The following CNTNAP5 variants were observed in gnomAD, a reference collection of about 807,000 sequenced individuals.
CNTNAP5 encodes the protein contactin associated protein family member 5, also known as contactin-associated protein-like 5.
A neutral mutation model predicts 150.2 loss-of-function variants in CNTNAP5; 72 were observed. The ratio of observed to expected loss-of-function variants is 0.48; its 90% CI spans 0.40 to 0.58. The LOEUF is 0.58. CNTNAP5 is among the 20% of genes least tolerant of loss of function. The pLI is 0.00. For missense variants in CNTNAP5, 1,636 were observed against 1,626.2 expected (o/e 1.01, Z -0.10); for synonymous variants, 672 against 619.8 (o/e 1.08, Z -1.25).
intron 13 of CNTNAP5, among the ~76,000 whole-genome samples, chr2:124,661,055 G>C (rs1678579153): frequency 7.3e-6 from 1 of 137,528 alleles, no homozygotes; most frequent in Admixed American, 6.8e-5. Context: ...GTGAGGCAGA[G>C]AGGGAATGAT....
intron 11 of CNTNAP5, among the ~76,000 whole-genome samples, chr2:124,594,434 A>T (rs1285939880): frequency 6.6e-6 from 1 of 152,098 alleles, no homozygotes; most frequent in Admixed American, 6.6e-5. Flanking sequence ...TTTGTCAAAG[A>T]TCAGATAGTT....
intron 1 of CNTNAP5, among the ~76,000 whole-genome samples, chr2:124,213,736 T>G (rs1395994394): frequency 2.6e-5 from 4 of 152,090 alleles, no homozygotes; most frequent in Non-Finnish European, 5.9e-5. Context: ...TAAAAAAATA[T>G]TTCTAACCTG....
intron 1 of CNTNAP5, among the ~76,000 whole-genome samples, chr2:124,134,347 A>T (rs146292913): frequency 1.3e-3 from 192 of 151,498 alleles, no homozygotes; most frequent in Non-Finnish European, 2.2e-3. Flanking sequence ...CACACTAGTT[A>T]GCCCTTGAAA....
At chr2:124,447,015 A>G in intron 6 of CNTNAP5, 78 bp downstream of exon 6, 2 of 1,409,072 alleles carry the variant, frequency 1.4e-6, no homozygotes, top group Admixed American at 1.8e-5. Flanking sequence ...GAGCAGACCA[A>G]CTGAGAGAAG....
chr2:124,531,907 C>G (rs1171214632), intron 10 of CNTNAP5, among the ~76,000 whole-genome samples: 1 of 152,138 alleles, frequency 6.6e-6, no homozygotes, highest in Non-Finnish European at 1.5e-5. Flanking sequence ...TTCAAGTTGC[C>G]CTGAACAGAC....
intron 13 of CNTNAP5, among the ~76,000 whole-genome samples, chr2:124,733,342 CAA>C (rs2105129501): frequency 6.6e-6 from 1 of 151,694 alleles, no homozygotes; most frequent in Non-Finnish European, 1.5e-5. Context: ...CATTTTTTTT[CAA>C]AGTGCTATAC....
At position 124,390,275 on chromosome 2, in the gene CNTNAP5, C is replaced by T. The variant is rs186172460; in HGVS notation, c.382-27168C>T. Reference sequence around the variant, plus strand: ...ATTTTGATTTCTCATCTGCATCTTCCGATTAACTTCTCACCTGTCAACCAA... The same window carrying T: ...ATTTTGATTTCTCATCTGCATCTTCTGATTAACTTCTCACCTGTCAACCAA... On this transcript the variant is annotated intron_variant, in intron 3 of 23. Transcript: ENST00000682447. Among the ~76,000 whole-genome samples, 223 of 152,266 alleles carry T rather than the reference C, an allele frequency of 1.5e-3. 2 individuals carry two copies. Among genetic ancestry groups the T allele is most frequent in the African/African-American group, 5.0e-3 (207 of 41,554 alleles).
chr2:124,528,937 G>T (rs1168310014), intron 10 of CNTNAP5, among the ~76,000 whole-genome samples: 1 of 152,286 alleles, frequency 6.6e-6, no homozygotes, highest in South Asian at 2.1e-4. Flanking sequence ...GCAGTGCATA[G>T]TCTCTGCTAA....
intron 3 of CNTNAP5, among the ~76,000 whole-genome samples, chr2:124,336,332 T>C (rs1294887875): frequency 6.6e-6 from 1 of 152,158 alleles, no homozygotes; most frequent in African/African-American, 2.4e-5. Context: ...CAAATTGTTA[T>C]TCAGTAGCAC....
Position 124,606,339 on chromosome 2 carries a change from C to T in CNTNAP5, c.1757-3462C>T, listed in dbSNP as rs867501597. Among the ~76,000 whole-genome samples, 9 of 150,810 alleles carry T rather than the reference C, an allele frequency of 6.0e-5. No homozygotes were observed. In the South Asian group the frequency reaches 1.0e-3, roughly 17 times the overall value. ...AAAGGGCTAAATTCCCATTTTCCAA[C>T]TGTTAAATAAATAGATAACTTGTAA... is the stretch of plus-strand genomic sequence containing the variant. On this transcript the variant is annotated intron_variant, in intron 11 of 23. Coordinates refer to ENST00000682447, the MANE Select transcript of CNTNAP5 (RefSeq NM_001367498.1).
chr2:124,077,309 G>A (rs1463832255), intron 1 of CNTNAP5, among the ~76,000 whole-genome samples: 1 of 152,042 alleles, frequency 6.6e-6, no homozygotes, highest in East Asian at 1.9e-4. Flanking sequence ...CCAGATAATT[G>A]CAATCAGTAT....
chr2:124,456,765 T>A (rs1693128486), intron 6 of CNTNAP5, among the ~76,000 whole-genome samples: 1 of 152,114 alleles, frequency 6.6e-6, no homozygotes, highest in South Asian at 2.1e-4. Flanking sequence ...TAAACCCTAA[T>A]ACTTATAGCC....
At chr2:124,407,623 C>T (rs1691607469) in intron 3 of CNTNAP5, among the ~76,000 whole-genome samples, 1 of 152,148 alleles carries the variant, frequency 6.6e-6, no homozygotes, top group African/African-American at 2.4e-5. Context: ...GAGCAGTAAA[C>T]TATTTTCAGG....
chr2:124,205,433 TTTG>T (rs1406196681), intron 1 of CNTNAP5, among the ~76,000 whole-genome samples: 1 of 151,632 alleles, frequency 6.6e-6, no homozygotes, highest in Non-Finnish European at 1.5e-5. Context: ...TTTTTTTTTT[TTTG>T]GAAATGGAGT....
chr2:124,054,699 A>G (rs1374572219), intron 1 of CNTNAP5, among the ~76,000 whole-genome samples: 1 of 152,224 alleles, frequency 6.6e-6, no homozygotes, highest in Non-Finnish European at 1.5e-5. Context: ...TACTCTTTTC[A>G]TAATTCCAAA....
chr2:124,176,590 G>A (rs1389454589), intron 1 of CNTNAP5, among the ~76,000 whole-genome samples: 1 of 152,142 alleles, frequency 6.6e-6, no homozygotes, highest in Non-Finnish European at 1.5e-5. Context: ...GAAAATACAA[G>A]AGAAACTCCA....
chr2:124,418,621 T>C (rs904487054), intron 4 of CNTNAP5, among the ~76,000 whole-genome samples: 7 of 152,196 alleles, frequency 4.6e-5, no homozygotes, highest in African/African-American at 1.7e-4. Flanking sequence ...AAAATGACTG[T>C]ATTTATCTTG....
At chr2:124,881,167 C>T (rs1456627879) in intron 21 of CNTNAP5, among the ~76,000 whole-genome samples, 5 of 152,020 alleles carry the variant, frequency 3.3e-5, no homozygotes, top group Admixed American at 6.6e-5. Flanking sequence ...AAGGAGCTCT[C>T]GTGGTCAGAG....
intron 21 of CNTNAP5, among the ~76,000 whole-genome samples, chr2:124,875,646 T>C (rs1481257120): frequency 6.6e-6 from 1 of 152,024 alleles, no homozygotes; most frequent in African/African-American, 2.4e-5. Flanking sequence ...AATGTTGGCT[T>C]ATTTTTTTCT....
Sources: allele counts gnomAD v4.1 joint callset (sites outside exome capture counted in the v4.1 genomes callset), GRCh38; gene constraint gnomAD v4.1.1; transcripts MANE v1.5; gene names NCBI Gene and HGNC (gene_info 2026-07-23, HGNC 2026-07-21).